Variants in PHTF1 observed in about 807,000 individuals in gnomAD.
The protein encoded by PHTF1 is putative homeodomain transcription factor 1, also known as protein PHTF1.
A neutral mutation model predicts 102.4 loss-of-function variants in PHTF1; 88 were observed. The ratio of observed to expected loss-of-function variants is 0.86; its 90% CI spans 0.72 to 1.03. The LOEUF is 1.03. PHTF1 is among the 50% of genes least tolerant of loss of function. PHTF1 has a pLI of 0.00. For missense variants in PHTF1, 814 were observed against 909.5 expected (o/e 0.89, Z 1.35); for synonymous variants, 289 against 305.2 (o/e 0.95, Z 0.55).
chr1:113,753,778 A>G (rs1172634720), intron 3 of PHTF1, among the ~76,000 whole-genome samples: 1 of 149,460 alleles, frequency 6.7e-6, no homozygotes, highest in Non-Finnish European at 1.5e-5. Flanking sequence ...AGGCTTAAGC[A>G]ATCCTCTCAC....
At chr1:113,727,932 C>G (rs564092436) in intron 5 of PHTF1, among the ~76,000 whole-genome samples, 2 of 152,028 alleles carry the variant, frequency 1.3e-5, no homozygotes, top group Non-Finnish European at 2.9e-5. Flanking sequence ...AAGATCACAC[C>G]ACTGCACTCC....
chr1:113,715,748 T>C (rs1651912999), intron 7 of PHTF1, among the ~76,000 whole-genome samples: 1 of 137,604 alleles, frequency 7.3e-6, no homozygotes, highest in Non-Finnish European at 1.6e-5. Context: ...ATCAGATAAA[T>C]TTAACAGAGA....
intron 3 of PHTF1, among the ~76,000 whole-genome samples, chr1:113,747,170 TAG>T (rs1331632378): frequency 4.6e-5 from 7 of 152,238 alleles, no homozygotes; most frequent in African/African-American, 1.4e-4. Flanking sequence ...TTTTTTCCAA[TAG>T]AGTTTTATCA....
chr1:113,701,486 G>A (rs1313178742), intron 15 of PHTF1, among the ~76,000 whole-genome samples: 1 of 152,090 alleles, frequency 6.6e-6, no homozygotes, highest in East Asian at 1.9e-4. Flanking sequence ...TAAAAGTAAA[G>A]AAATTTACTC....
At chr1:113,737,183 G>A (rs1418680331) in intron 5 of PHTF1, among the ~76,000 whole-genome samples, 1 of 152,218 alleles carries the variant, frequency 6.6e-6, no homozygotes, top group Non-Finnish European at 1.5e-5. Flanking sequence ...TGGTAGGGTA[G>A]AGTAGGAAGA....
At chr1:113,729,932 G>A (rs1654393184) in intron 5 of PHTF1, among the ~76,000 whole-genome samples, 1 of 152,172 alleles carries the variant, frequency 6.6e-6, no homozygotes, top group Non-Finnish European at 1.5e-5. Flanking sequence ...ATTGCTACCT[G>A]AGGACAACGG....
intron 6 of PHTF1, chr1:113,725,920 A>G: frequency 6.4e-6 from 1 of 156,652 alleles, no homozygotes; most frequent in East Asian, 1.9e-4. Flanking sequence ...GTGAGCCGAG[A>G]TTGCGCCATT....
At chr1:113,735,278 A>G (rs1405532876) in intron 5 of PHTF1, among the ~76,000 whole-genome samples, 1 of 146,912 alleles carries the variant, frequency 6.8e-6, no homozygotes, top group Admixed American at 7.0e-5. Context: ...AGGCAAGAGA[A>G]TCACTTGAAC....
At chr1:113,728,103 G>A (rs941197904) in intron 5 of PHTF1, among the ~76,000 whole-genome samples, 1 of 152,114 alleles carries the variant, frequency 6.6e-6, no homozygotes, top group Admixed American at 6.6e-5. Context: ...ATGGCGGGGC[G>A]GAGGGCCGGG....
intron 17 of PHTF1, among the ~76,000 whole-genome samples, chr1:113,698,654 C>T (rs1283887446): frequency 2.0e-5 from 3 of 147,604 alleles, no homozygotes; most frequent in Admixed American, 6.8e-5. Context: ...CACACACACA[C>T]ACACATACAC....
intron 5 of PHTF1, among the ~76,000 whole-genome samples, chr1:113,727,905 C>T (rs896862332): frequency 2.0e-5 from 3 of 151,934 alleles, no homozygotes; most frequent in South Asian, 2.1e-4. Context: ...GCCCAGAAGT[C>T]GAGGCTGTAG....
intron 7 of PHTF1, among the ~76,000 whole-genome samples, chr1:113,723,295 C>T (rs1443304347): frequency 1.3e-5 from 2 of 151,902 alleles, no homozygotes; most frequent in Non-Finnish European, 2.9e-5. Flanking sequence ...CTCCTGCTTC[C>T]ACCTCCCGAG....
Position 113,706,600 on chromosome 1 carries a change from CATG to C in PHTF1, c.1389_1391del (p.Ile463del), listed in dbSNP as rs1557908753. On this transcript the variant is annotated inframe_deletion, in exon 12 of 19. Coordinates refer to ENST00000369604, the MANE Select transcript of PHTF1 (RefSeq NM_001323043.2). ...AAAACATATTCAGTCTTACCCTGCT[CATG>C]ATGATGCCACTTATTTCCAACACAG... 6.2e-7 allele frequency: 1 copy of C among 1,607,042 alleles called. No homozygotes were observed. Among genetic ancestry groups the C allele is most frequent in the Non-Finnish European group, 8.5e-7 (1 of 1,178,018 alleles).
chr1:113,756,344 G>A (rs1225872671), intron 3 of PHTF1, among the ~76,000 whole-genome samples: 2 of 152,148 alleles, frequency 1.3e-5, no homozygotes, highest in East Asian at 3.8e-4. Context: ...AAGTTAGTCG[G>A]CTACTTGTTG....
At chr1:113,701,064 AAGC>A in intron 15 of PHTF1, 115 bp from the exon 16 acceptor site, 2 of 750,034 alleles carry the variant, frequency 2.7e-6, no homozygotes, top group South Asian at 3.3e-5. Flanking sequence ...TTAATACTGA[AAGC>A]AGAAGAGCTT....
At chr1:113,734,217 G>A (rs764850962) in intron 5 of PHTF1, among the ~76,000 whole-genome samples, 7 of 152,086 alleles carry the variant, frequency 4.6e-5, no homozygotes, top group Non-Finnish European at 7.4e-5. Context: ...CCAAGATCAC[G>A]CCACTGTACT....
chr1:113,743,862 T>C (rs1225240306), intron 3 of PHTF1, among the ~76,000 whole-genome samples: 1 of 152,206 alleles, frequency 6.6e-6, no homozygotes, highest in Admixed American at 6.5e-5. Context: ...TTGGTACCTT[T>C]ATTATCCTCA....
At chr1:113,718,024 TC>T (rs1652345367) in intron 7 of PHTF1, among the ~76,000 whole-genome samples, 1 of 152,042 alleles carries the variant, frequency 6.6e-6, no homozygotes, top group African/African-American at 2.4e-5. Flanking sequence ...AACCCAAAAG[TC>T]CAGCATCCAA....
At chr1:113,741,859 T>A (rs1446305940) in intron 3 of PHTF1, among the ~76,000 whole-genome samples, 2 of 152,208 alleles carry the variant, frequency 1.3e-5, no homozygotes, top group African/African-American at 2.4e-5. Flanking sequence ...CTCCCCATTT[T>A]TTTATTTCCT....
Sources: gnomAD v4.1 joint callset for allele counts (sites outside exome capture counted in the v4.1 genomes callset) on GRCh38, gnomAD v4.1.1 for gene constraint, MANE v1.5 for transcripts, NCBI Gene and HGNC (gene_info 2026-07-23, HGNC 2026-07-21) for gene names.